Variants in RBKS observed in about 807,000 individuals in gnomAD.
The protein encoded by RBKS is ribokinase.
In RBKS, 33 loss-of-function variants were observed where a neutral mutation model predicts 33.9. The ratio of observed to expected loss-of-function variants is 0.97; its 90% CI spans 0.74 to 1.30. The LOEUF (loss-of-function observed/expected upper bound fraction) is 1.30, where lower values mean the gene tolerates loss of function less well. Among genes scored for constraint, RBKS ranks in the 50% most tolerant of loss-of-function variants. The probability of loss-of-function intolerance (pLI) is 0.00; values close to 1 mark genes in which losing one functional copy is unlikely to be tolerated. For missense variants in RBKS, 361 were observed against 392.6 expected (o/e 0.92, Z 0.68); for synonymous variants, 125 against 143.0 (o/e 0.87, Z 0.90).
intron 4 of RBKS, among the ~76,000 whole-genome samples, chr2:27,844,019 G>T (rs575269896): frequency 6.6e-6 from 1 of 152,158 alleles, no homozygotes; most frequent in East Asian, 1.9e-4. Flanking sequence ...CTAGCACTTT[G>T]GGAGGCCGAG....
At chr2:27,887,719 G>C (rs1057228913) in intron 1 of RBKS, among the ~76,000 whole-genome samples, 8 of 151,284 alleles carry the variant, frequency 5.3e-5, no homozygotes, top group African/African-American at 1.9e-4. Flanking sequence ...TTTTACTAGT[G>C]ATTTTGCTAA....
intron 1 of RBKS, among the ~76,000 whole-genome samples, chr2:27,883,475 A>G (rs867008117): frequency 1.3e-5 from 2 of 152,334 alleles, no homozygotes; most frequent in Admixed American, 6.5e-5. Flanking sequence ...CTGGGATTAC[A>G]GGCGTGAGAC....
chr2:27,839,721 G>A (rs533357751), intron 5 of RBKS, among the ~76,000 whole-genome samples: 1 of 152,106 alleles, frequency 6.6e-6, no homozygotes, highest in African/African-American at 2.4e-5. Context: ...CTTTATCATC[G>A]TTCTTGAAGA....
intron 5 of RBKS, among the ~76,000 whole-genome samples, chr2:27,834,889 G>A (rs963909787): frequency 2.0e-5 from 3 of 152,166 alleles, no homozygotes; most frequent in African/African-American, 7.2e-5. Context: ...AAATCCATAA[G>A]CATGCAAAGA....
At chr2:27,885,510 T>A (rs757327449) in intron 1 of RBKS, among the ~76,000 whole-genome samples, 1 of 152,216 alleles carries the variant, frequency 6.6e-6, no homozygotes, top group Non-Finnish European at 1.5e-5. Context: ...CTGGACTCCA[T>A]GTTCTTCACT....
Position 27,789,923 on chromosome 2 carries a change from GTGTA to G in RBKS, c.796-8139_796-8136del, listed in dbSNP as rs1414767558. On this transcript the variant is annotated intron_variant, in intron 7 of 7. Transcript: ENST00000302188. ...AGAGTGTGTGTGTGTGTGTTTGTGTGTGTATATATATATATATGTATATGTGTAT... is the reference window on the plus strand; with the variant it reads ...AGAGTGTGTGTGTGTGTGTTTGTGTGTATATATATATATGTATATGTGTAT... Among the ~76,000 whole-genome samples, 338 of 128,062 alleles carry G rather than the reference GTGTA, an allele frequency of 2.6e-3. 2 individuals carry two copies. The highest frequency in any genetic ancestry group is 5.5e-3 in the South Asian group (22 of 4,034). 84.0% of individuals were successfully genotyped at this position (128,062 alleles called of 152,430 possible). A position where few individuals can be genotyped will look rare whatever the true frequency, so the allele number is the denominator to read the frequency against.
chr2:27,868,592 C>T (rs918095383), intron 1 of RBKS, among the ~76,000 whole-genome samples: 9 of 152,238 alleles, frequency 5.9e-5, no homozygotes, highest in African/African-American at 1.9e-4. Flanking sequence ...GCATAAGAAA[C>T]AATAATTCTA....
At chr2:27,806,166 G>C (rs1677893146) in intron 7 of RBKS, among the ~76,000 whole-genome samples, 1 of 152,182 alleles carries the variant, frequency 6.6e-6, no homozygotes. Context: ...TTAAAGGCGT[G>C]AGCCACCAGG....
At chr2:27,843,594 T>C (rs978276369) in intron 4 of RBKS, among the ~76,000 whole-genome samples, 3 of 152,196 alleles carry the variant, frequency 2.0e-5, no homozygotes, top group Non-Finnish European at 4.4e-5. Flanking sequence ...AAATGACAGA[T>C]GCCATAGAGA....
At chr2:27,782,061 G>A (rs1456766337) in intron 7 of RBKS, among the ~76,000 whole-genome samples, 2 of 152,082 alleles carry the variant, frequency 1.3e-5, no homozygotes, top group Non-Finnish European at 2.9e-5. Context: ...TTCTGTTCCA[G>A]GATCCCATCC....
chr2:27,801,798 A>G (rs1376917408), intron 7 of RBKS, among the ~76,000 whole-genome samples: 2 of 151,354 alleles, frequency 1.3e-5, no homozygotes, highest in African/African-American at 2.4e-5. Flanking sequence ...GGCATGGCAC[A>G]TGGGGAGAGC....
intron 7 of RBKS, among the ~76,000 whole-genome samples, chr2:27,822,510 A>G (rs943984992): frequency 1.4e-4 from 21 of 152,212 alleles, no homozygotes; most frequent in Non-Finnish European, 5.9e-5. Flanking sequence ...TGAGAGGAAT[A>G]CAAGAGGCCA....
At chr2:27,783,981 T>C (rs1199864036) in intron 7 of RBKS, among the ~76,000 whole-genome samples, 10 of 76,050 alleles carry the variant, frequency 1.3e-4, no homozygotes, top group Non-Finnish European at 2.2e-4. Context: ...TTTTCTTTTT[T>C]TTTTTTTTTT....
chr2:27,845,096 A>T (rs1330075303), intron 4 of RBKS, among the ~76,000 whole-genome samples: 1 of 152,250 alleles, frequency 6.6e-6, no homozygotes, highest in African/African-American at 2.4e-5. Context: ...GAAAGACAGC[A>T]TCTCTCCTTC....
In RBKS at chr2:27,890,347, G is replaced by A. The variant is rs374249982; in HGVS notation, c.-2C>T. On this transcript the variant is annotated 5_prime_UTR_variant, in exon 1 of 8. Coordinates refer to ENST00000302188, the MANE Select transcript of RBKS (RefSeq NM_022128.3). This position sits in a 1 kb window ranked among gnomAD's most constrained non-coding sequence, Gnocchi z 4.8. ...CTGGGGTTCCCCAGACGCCGCCATCGCTCAAAGGTGCTGCTGTCCAACCTG... is the reference window on the plus strand; with the variant it reads ...CTGGGGTTCCCCAGACGCCGCCATCACTCAAAGGTGCTGCTGTCCAACCTG... 2 of 1,612,524 alleles carry A rather than the reference G, an allele frequency of 1.2e-6. No individual in the cohort carries two copies. The highest frequency in any genetic ancestry group is 8.5e-7 in the Non-Finnish European group (1 of 1,179,768).
At chr2:27,869,052 G>A (rs1243355665) in intron 1 of RBKS, among the ~76,000 whole-genome samples, 1 of 152,136 alleles carries the variant, frequency 6.6e-6, no homozygotes, top group Non-Finnish European at 1.5e-5. Context: ...GAAAATCAGA[G>A]AGATTACAAA....
chr2:27,818,180 G>T (rs903598705), intron 7 of RBKS, among the ~76,000 whole-genome samples: 1 of 152,194 alleles, frequency 6.6e-6, no homozygotes. Context: ...GGTATATAGG[G>T]ATGTACTAGT....
intron 1 of RBKS, among the ~76,000 whole-genome samples, chr2:27,887,531 G>C (rs780690963): frequency 6.6e-6 from 1 of 152,174 alleles, no homozygotes; most frequent in African/African-American, 2.4e-5. Flanking sequence ...GGTTTTAAAT[G>C]AAAATCCTAT....
chr2:27,802,199 A>T (rs12995865), intron 7 of RBKS, among the ~76,000 whole-genome samples: 1 of 149,628 alleles, frequency 6.7e-6, no homozygotes, highest in African/African-American at 2.5e-5. Context: ...GAGAGTGGCA[A>T]GGGGATGGTG....
Sources: gnomAD v4.1 joint callset for allele counts (sites outside exome capture counted in the v4.1 genomes callset) on GRCh38, gnomAD v4.1.1 for gene constraint, Gnocchi (gnomAD v3.1) non-coding constraint, MANE v1.5 for transcripts, NCBI Gene and HGNC (gene_info 2026-07-23, HGNC 2026-07-21) for gene names.